Variants in DNMT1 observed in about 807,000 individuals in gnomAD.
DNMT1 encodes DNA methyltransferase 1, also known as DNA (cytosine-5)-methyltransferase 1.
In DNMT1, 24 loss-of-function variants were observed where a neutral mutation model predicts 205.3. That is an observed-to-expected ratio of 0.12 (90% CI 0.08 to 0.16). DNMT1 has a LOEUF of 0.16. Among genes scored for constraint, DNMT1 ranks in the 10% least tolerant of loss-of-function variants. The pLI is 1.00. For missense variants in DNMT1, 1,293 were observed against 2,177.7 expected, an observed-to-expected ratio of 0.59 and a Z score of 8.09; for synonymous variants, 817 against 839.8, an observed-to-expected ratio of 0.97 and a Z score of 0.47.
At chr19:10,139,381 C>T (rs940441416) in intron 34 of DNMT1, among the ~76,000 whole-genome samples, 3 of 152,254 alleles carry the variant, frequency 2.0e-5, no homozygotes, top group East Asian at 3.8e-4. Context: ...GGCTGCTCAC[C>T]CTTCCCCATC....
intron 1 of DNMT1, among the ~76,000 whole-genome samples, chr19:10,192,772 G>A (rs1221171107): frequency 2.6e-5 from 4 of 152,080 alleles, no homozygotes; most frequent in Non-Finnish European, 5.9e-5. Flanking sequence ...CCACTAACTG[G>A]TTAAGAAGTG....
chr19:10,148,910 G>C lies in DNMT1; in HGVS notation c.2694C>G (p.Thr898=), dbSNP rs770999883. 4 of 1,614,060 alleles carry C rather than the reference G, an allele frequency of 2.5e-6. No homozygotes were observed. Among genetic ancestry groups the C allele is most frequent in the South Asian group, 1.1e-5 (1 of 91,084 alleles). Residue 898 remains threonine (T), a synonymous_variant, in exon 27 of 41, where the codon ACC becomes ACG. Coordinates refer to ENST00000359526, the MANE Select transcript of DNMT1 (RefSeq NM_001130823.3). ...DYARFESPPK[T]QPTEDNKFKF... ...TGAACTTGTTGTCCTCTGTTGGCTG[G>C]GTTTTTGGAGGGGACTCGAATCTCG... is the stretch of plus-strand genomic sequence containing the variant.
intron 1 of DNMT1, among the ~76,000 whole-genome samples, chr19:10,184,138 T>C (rs1201975127): frequency 6.6e-6 from 1 of 152,128 alleles, no homozygotes; most frequent in Non-Finnish European, 1.5e-5. Context: ...CTTTCTCCAG[T>C]TGGGTCTGAC....
chr19:10,193,751 T>G (rs2039347113), intron 1 of DNMT1, among the ~76,000 whole-genome samples: 1 of 151,576 alleles, frequency 6.6e-6, no homozygotes, highest in Non-Finnish European at 1.5e-5. Context: ...AGAACCGGAC[T>G]GGCCCAACCA....
chr19:10,169,643 G>A (rs2038771920), intron 9 of DNMT1, among the ~76,000 whole-genome samples: 2 of 152,054 alleles, frequency 1.3e-5, no homozygotes, highest in Non-Finnish European at 2.9e-5. Context: ...GCAGGTGCCT[G>A]TAGTCCCAGT....
intron 2 of DNMT1, 111 bp from the exon 3 acceptor site, chr19:10,180,996 G>A: frequency 1.2e-6 from 1 of 853,518 alleles, no homozygotes; most frequent in Non-Finnish European, 2.0e-6. Flanking sequence ...TGAATGGCAG[G>A]CAATGCTGTC....
At position 10,146,257 on chromosome 19, in the gene DNMT1, G is replaced by A. The variant is rs1450982123; in HGVS notation, c.2894+94C>T. 1 of 1,466,084 alleles carries A rather than the reference G, an allele frequency of 6.8e-7. No individual in the cohort carries two copies. The highest frequency in any genetic ancestry group is 2.3e-5 in the East Asian group (1 of 43,576). 90.8% of individuals were successfully genotyped at this position (1,466,084 alleles called of 1,614,324 possible). ...GGCTAGGACAACAGCTGGTGCGGAG[G>A]GATTGGCAATGTCTGTAAGGAGGGG... On this transcript the variant is annotated intron_variant, in intron 28 of 40. Coordinates refer to ENST00000359526, the MANE Select transcript of DNMT1 (RefSeq NM_001130823.3). The surrounding 1 kb of genome is among the most constrained non-coding windows in gnomAD (Gnocchi z 4.4).
intron 13 of DNMT1, among the ~76,000 whole-genome samples, chr19:10,162,418 C>T (rs1482662489): frequency 6.6e-6 from 1 of 151,638 alleles, no homozygotes; most frequent in Admixed American, 6.6e-5. Flanking sequence ...TACGGGCGTG[C>T]ACCACCATGC....
At chr19:10,158,737 CCT>C (rs1471443806) in intron 17 of DNMT1, among the ~76,000 whole-genome samples, 1 of 152,128 alleles carries the variant, frequency 6.6e-6, no homozygotes, top group Non-Finnish European at 1.5e-5. Context: ...CCTGCAAGGC[CCT>C]GTGTGGCCCA....
intron 2 of DNMT1, 151 bp downstream of exon 2, chr19:10,181,890 G>A (rs1275068870): frequency 5.9e-6 from 4 of 674,966 alleles, no homozygotes; most frequent in African/African-American, 3.7e-5. Context: ...CAGCAAATTA[G>A]TGCTGACATT....
At chr19:10,185,741 G>A (rs1374696719) in intron 1 of DNMT1, among the ~76,000 whole-genome samples, 2 of 150,784 alleles carry the variant, frequency 1.3e-5, no homozygotes, top group Non-Finnish European at 2.9e-5. Context: ...GAGGTGGGAG[G>A]ATCGCTTGAG....
chr19:10,141,907 C>A (rs926247370), intron 30 of DNMT1, 121 bp downstream of exon 30: 1 of 1,230,136 alleles, frequency 8.1e-7, no homozygotes, highest in African/African-American at 1.5e-5. Flanking sequence ...GTCAGCCAAC[C>A]ACCCACTTCT....
At chr19:10,186,255 A>G (rs1442546079) in intron 1 of DNMT1, among the ~76,000 whole-genome samples, 2 of 152,152 alleles carry the variant, frequency 1.3e-5, no homozygotes, top group African/African-American at 4.8e-5. Flanking sequence ...AAACCCCTAG[A>G]ATGTTTCATC....
At position 10,139,664 on chromosome 19, in the gene DNMT1, C is replaced by T. The variant is rs1243752477; in HGVS notation, c.3948+12G>A. The T allele has an allele frequency of 6.2e-7, 1 of 1,611,506 alleles. No individual in the cohort carries two copies. ...GCCACATCTGTCTGCCCGCCCCAGC[C>T]CCAGGGCCCACCTGCAGCACGCCGA... On this transcript the variant is annotated intron_variant, in intron 34 of 40. Transcript: ENST00000359526.
intron 2 of DNMT1, 101 bp downstream of exon 2, chr19:10,181,940 A>G: frequency 9.1e-7 from 1 of 1,100,242 alleles, no homozygotes; most frequent in East Asian, 2.5e-5. Flanking sequence ...CTCCATGGGA[A>G]AAAATGCAAA....
At chr19:10,153,663 T>C (rs967777323) in intron 22 of DNMT1, among the ~76,000 whole-genome samples, 1 of 150,860 alleles carries the variant, frequency 6.6e-6, no homozygotes, top group Non-Finnish European at 1.5e-5. Context: ...AAAAAAAGAT[T>C]TTAGAAGTTA....
intron 39 of DNMT1, among the ~76,000 whole-genome samples, chr19:10,134,671 T>C (rs1300222160): frequency 6.6e-6 from 1 of 151,874 alleles, no homozygotes; most frequent in Non-Finnish European, 1.5e-5. Flanking sequence ...CTCGCCAACA[T>C]GGTGAAACCC....
chr19:10,160,314 C>T (rs950487066), intron 14 of DNMT1, 70 bp downstream of exon 14: 2 of 1,605,976 alleles, frequency 1.2e-6, no homozygotes, highest in Non-Finnish European at 1.7e-6. Flanking sequence ...GAAACCCCTT[C>T]CCTTTTGTTC....
rs144431103 is a variant in DNMT1 at position 10,184,851 on chromosome 19, G to A, written c.81-2774C>T. 6.4e-4 allele frequency among the ~76,000 whole-genome samples: 98 copies of A among 152,310 alleles called. 1 individual carries two copies. The highest frequency in any genetic ancestry group is 2.3e-3 in the South Asian group (11 of 4,828). On this transcript the variant is annotated intron_variant, in intron 1 of 40. Coordinates refer to ENST00000359526, the MANE Select transcript of DNMT1 (RefSeq NM_001130823.3). ...CTCTGGACCTTTCCACCTAGCACCC[G>A]CACAGACAGGTGCTCAGTTATCATT...
Sources: gnomAD v4.1 joint callset for allele counts (sites outside exome capture counted in the v4.1 genomes callset) on GRCh38, gnomAD v4.1.1 for gene constraint, Gnocchi (gnomAD v3.1) non-coding constraint, MANE v1.5 for transcripts, NCBI Gene and HGNC (gene_info 2026-07-23, HGNC 2026-07-21) for gene names.